The following RERE variants were observed in gnomAD, a reference collection of about 807,000 sequenced individuals.
The protein encoded by RERE is arginine-glutamic acid dipeptide repeats protein.
RERE carries 40 observed loss-of-function variants against 146.1 expected under a neutral mutation model. The ratio of observed to expected loss-of-function variants is 0.27; its 90% CI spans 0.21 to 0.36. The LOEUF (loss-of-function observed/expected upper bound fraction) is 0.36, where lower values mean the gene tolerates loss of function less well. Ranked by LOEUF, RERE falls within the 10% of genes least tolerant of loss-of-function variation. RERE has a pLI of 1.00. For synonymous variants in RERE, 1,003 were observed against 866.0 expected (o/e 1.16, Z -2.78); for missense variants, 1,933 against 2,138.7 (o/e 0.90, Z 1.90).
At chr1:8,727,711 C>A (rs960248839) in intron 1 of RERE, among the ~76,000 whole-genome samples, 1 of 151,962 alleles carries the variant, frequency 6.6e-6, no homozygotes, top group African/African-American at 2.4e-5. Flanking sequence ...CCAGGATGGT[C>A]TTGATCTCTT....
chr1:8,726,294 A>C (rs917512857), intron 1 of RERE, among the ~76,000 whole-genome samples: 4 of 150,926 alleles, frequency 2.7e-5, no homozygotes, highest in Non-Finnish European at 5.9e-5. Flanking sequence ...TGGGATTACA[A>C]GCACACGCCA....
intron 1 of RERE, among the ~76,000 whole-genome samples, chr1:8,813,422 G>T (rs1287953412): frequency 1.3e-5 from 2 of 152,168 alleles, no homozygotes; most frequent in East Asian, 1.9e-4. Context: ...ACTGATATTT[G>T]AAACTAATTT....
intron 11 of RERE, among the ~76,000 whole-genome samples, chr1:8,450,612 G>A (rs776385800): frequency 1.3e-5 from 2 of 151,848 alleles, no homozygotes; most frequent in East Asian, 1.9e-4. Flanking sequence ...CCCAACCCCC[G>A]AGCCCTGCTG....
At chr1:8,613,590 A>G (rs1646816965) in intron 4 of RERE, among the ~76,000 whole-genome samples, 1 of 152,220 alleles carries the variant, frequency 6.6e-6, no homozygotes, top group Non-Finnish European at 1.5e-5. Flanking sequence ...TTAATATTCT[A>G]CACTGCAGCT....
chr1:8,387,991 T>C (rs1163947599), intron 12 of RERE, among the ~76,000 whole-genome samples: 3 of 152,206 alleles, frequency 2.0e-5, no homozygotes, highest in African/African-American at 7.2e-5. Flanking sequence ...AGCAAAACAC[T>C]GGAACCAACT....
At chr1:8,669,516 C>T (rs1401883870) in intron 1 of RERE, among the ~76,000 whole-genome samples, 1 of 152,146 alleles carries the variant, frequency 6.6e-6, no homozygotes, top group Non-Finnish European at 1.5e-5. Flanking sequence ...CAAGAAAAAG[C>T]TCAGGCTTCA....
intron 4 of RERE, among the ~76,000 whole-genome samples, chr1:8,564,826 A>ATATGTATGTGTGTG (rs1384858524): frequency 8.5e-6 from 1 of 117,838 alleles, no homozygotes; most frequent in African/African-American, 3.5e-5. Flanking sequence ...GTGTGTGTAT[A>ATATGTATGTGTGTG]TGTGTATGTG....
chr1:8,494,050 C>CA lies in RERE; in HGVS notation c.1104+1012dup, dbSNP rs1419451268. 2.6e-5 allele frequency among the ~76,000 whole-genome samples: 4 copies of CA among 152,170 alleles called. No homozygotes were observed. In the East Asian group the frequency reaches 7.7e-4, roughly 29 times the overall value. The stretch of plus-strand genomic sequence containing the variant: ...CTGGTTTCAGTAATCATATTGTTTG[C>CA]AGCAGTGTGTTGTTATCTGAGCTGC... On this transcript the variant is annotated intron_variant, in intron 10 of 22. Coordinates refer to ENST00000400908, the MANE Select transcript of RERE (RefSeq NM_001042681.2).
intron 4 of RERE, among the ~76,000 whole-genome samples, chr1:8,602,205 A>G (rs1029690906): frequency 5.9e-5 from 9 of 152,160 alleles, no homozygotes; most frequent in Admixed American, 6.5e-5. Flanking sequence ...CCTGGCCAAC[A>G]TGGTGAAACC....
At chr1:8,428,253 T>C (rs1337027399) in intron 11 of RERE, among the ~76,000 whole-genome samples, 1 of 152,180 alleles carries the variant, frequency 6.6e-6, no homozygotes, top group African/African-American at 2.4e-5. Flanking sequence ...GCCTGCCCAC[T>C]CTCAGACGCA....
At chr1:8,564,822 GTA>G (rs1205137532) in intron 4 of RERE, among the ~76,000 whole-genome samples, 23 of 94,838 alleles carry the variant, frequency 2.4e-4, no homozygotes, top group East Asian at 4.1e-4. Flanking sequence ...GTATGTGTGT[GTA>G]TATGTGTATG....
At chr1:8,666,863 C>G (rs1346548423) in intron 1 of RERE, among the ~76,000 whole-genome samples, 1 of 152,208 alleles carries the variant, frequency 6.6e-6, no homozygotes, top group East Asian at 1.9e-4. Flanking sequence ...GCTACATATA[C>G]CCCTGCACGA....
chr1:8,392,448 A>G (rs1204824465), intron 12 of RERE, among the ~76,000 whole-genome samples: 4 of 152,240 alleles, frequency 2.6e-5, no homozygotes, highest in Non-Finnish European at 5.9e-5. Context: ...CTATCTAGAT[A>G]AAAACAAACT....
chr1:8,661,870 C>T (rs1638463894), intron 1 of RERE, among the ~76,000 whole-genome samples: 1 of 152,146 alleles, frequency 6.6e-6, no homozygotes, highest in Admixed American at 6.5e-5. Context: ...TGAGATCACC[C>T]AGGAAGTGAG....
intron 11 of RERE, among the ~76,000 whole-genome samples, chr1:8,453,815 A>AT (rs1644417980): frequency 2.0e-5 from 3 of 151,606 alleles, no homozygotes; most frequent in Non-Finnish European, 4.4e-5. Flanking sequence ...TCTCAAAAAA[A>AT]AATTTTTTTT....
intron 1 of RERE, among the ~76,000 whole-genome samples, chr1:8,804,586 T>G (rs541529594): frequency 6.6e-6 from 1 of 152,214 alleles, no homozygotes; most frequent in African/African-American, 2.4e-5. Context: ...TGCAGTTATG[T>G]GTGACCTTGT....
At chr1:8,554,608 G>A (rs1645981770) in intron 6 of RERE, among the ~76,000 whole-genome samples, 1 of 141,902 alleles carries the variant, frequency 7.0e-6, no homozygotes. Context: ...GAGCCCAGGA[G>A]TTTGAGGCTG....
intron 12 of RERE, among the ~76,000 whole-genome samples, chr1:8,413,850 G>C (rs979865372): frequency 1.1e-4 from 16 of 151,656 alleles, no homozygotes; most frequent in African/African-American, 3.9e-4. Flanking sequence ...GAGGTCGGGA[G>C]TTCAAGACCA....
chr1:8,401,469 C>A lies in RERE; in HGVS notation c.1284+21258G>T, dbSNP rs548630039. Reference sequence around the variant, plus strand: ...AATAAATAAATAAACAAATAAATATCGGGTCTATAACTGGGTGCAGTGGCT... The same window carrying A: ...AATAAATAAATAAACAAATAAATATAGGGTCTATAACTGGGTGCAGTGGCT... On this transcript the variant is annotated intron_variant, in intron 12 of 22. Transcript: ENST00000400908. 3.3e-5 allele frequency among the ~76,000 whole-genome samples: 5 copies of A among 151,962 alleles called. No individual in the cohort carries two copies. In the East Asian group the frequency reaches 5.8e-4, roughly 18 times the overall value.
Sources: allele counts gnomAD v4.1 joint callset (sites outside exome capture counted in the v4.1 genomes callset), GRCh38; gene constraint gnomAD v4.1.1; transcripts MANE v1.5; gene names NCBI Gene and HGNC (gene_info 2026-07-23, HGNC 2026-07-21).